The following TFCP2L1 variants were observed in gnomAD, a reference collection of about 807,000 sequenced individuals.
TFCP2L1 encodes transcription factor CP2-like protein 1.
A neutral mutation model predicts 72.2 loss-of-function variants in TFCP2L1; 12 were observed. The ratio of observed to expected loss-of-function variants is 0.17; its 90% CI spans 0.11 to 0.27. TFCP2L1 has a LOEUF of 0.27. Ranked by LOEUF, TFCP2L1 falls within the 10% of genes least tolerant of loss-of-function variation. The probability of loss-of-function intolerance (pLI) is 1.00; values close to 1 mark genes in which losing one functional copy is unlikely to be tolerated. For missense variants in TFCP2L1, 488 were observed against 624.6 expected, an observed-to-expected ratio of 0.78 and a Z score of 2.33; for synonymous variants, 260 against 251.0, an observed-to-expected ratio of 1.04 and a Z score of -0.34.
intron 7 of TFCP2L1, 110 bp downstream of exon 7, chr2:121,242,249 C>T: frequency 2.2e-6 from 2 of 897,586 alleles, no homozygotes; most frequent in African/African-American, 1.6e-5. Context: ...AGAATAAGCA[C>T]TCTCAGAAGT....
At chr2:121,280,592 C>G (rs781525506) in intron 2 of TFCP2L1, among the ~76,000 whole-genome samples, 5 of 151,696 alleles carry the variant, frequency 3.3e-5, no homozygotes, top group Non-Finnish European at 7.4e-5. Flanking sequence ...ACCCCCCCAG[C>G]TCTACAAAAA....
At position 121,282,185 on chromosome 2, in the gene TFCP2L1, G is replaced by A. The variant is rs182005668; in HGVS notation, c.63-914C>T. 3.0e-3 allele frequency among the ~76,000 whole-genome samples: 453 copies of A among 151,794 alleles called. 9 individuals are homozygous for A. The East Asian group carries it at 0.042, about 14-fold the overall frequency. ...TGACCTCAGGTGATCCACCCTCCTCGGCCTCCCAAAGTGCTGGGATTACAG... is the reference window on the plus strand; with the variant it reads ...TGACCTCAGGTGATCCACCCTCCTCAGCCTCCCAAAGTGCTGGGATTACAG... On this transcript the variant is annotated intron_variant, in intron 1 of 14. Transcript: ENST00000263707.
intron 13 of TFCP2L1, among the ~76,000 whole-genome samples, chr2:121,227,419 C>T (rs577593432): frequency 3.2e-4 from 49 of 151,918 alleles, no homozygotes; most frequent in Non-Finnish European, 5.3e-4. Context: ...CGGTGGCTCA[C>T]GCCTGTAATC....
Position 121,239,538 on chromosome 2 carries a change from G to A in TFCP2L1, c.860+20C>T. The A allele has an allele frequency of 6.2e-7, 1 of 1,613,582 alleles. No homozygotes were observed. Among genetic ancestry groups the A allele is most frequent in the Non-Finnish European group, 8.5e-7 (1 of 1,179,492 alleles). The stretch of plus-strand genomic sequence containing the variant: ...CTGCCTTCATTTCAGGGAACCCGAA[G>A]AAAGAGAGGTGGGACGTACCCTTCG... On this transcript the variant is annotated intron_variant, in intron 8 of 14. Transcript: ENST00000263707.
In TFCP2L1 at chr2:121,282,832, G is replaced by A. The variant is rs539932369; in HGVS notation, c.63-1561C>T. 9.9e-5 allele frequency among the ~76,000 whole-genome samples: 15 copies of A among 152,140 alleles called. No individual in the cohort carries two copies. In the East Asian group the frequency reaches 1.4e-3, roughly 14 times the overall value. On this transcript the variant is annotated intron_variant, in intron 1 of 14. Transcript: ENST00000263707. Reference sequence around the variant, plus strand: ...ACAAGCGTCTCTACAACACAAACCCGGCACACACCCCATCAACATCTCATC... The same window carrying A: ...ACAAGCGTCTCTACAACACAAACCCAGCACACACCCCATCAACATCTCATC...
Position 121,237,982 on chromosome 2 carries a change from G to T in TFCP2L1, c.861-132C>A. ...TGTTCTAAGTGAAATGAGTCCTCAA[G>T]AATTTCCTGAGTCACAGAAACACAG... is the stretch of plus-strand genomic sequence containing the variant. On this transcript the variant is annotated intron_variant, in intron 8 of 14. Transcript: ENST00000263707. 3.2e-6 allele frequency: 3 copies of T among 932,714 alleles called. No homozygotes were observed. The South Asian group carries it at 4.8e-5, about 15-fold the overall frequency. The allele number at this position is 932,714 out of a possible 1,614,324, so 57.8% of individuals were successfully genotyped here.
At chr2:121,283,162 A>G (rs1043996514) in intron 1 of TFCP2L1, among the ~76,000 whole-genome samples, 2 of 152,226 alleles carry the variant, frequency 1.3e-5, no homozygotes, top group Non-Finnish European at 2.9e-5. Context: ...CCATCCCTCA[A>G]CAGTAACTTG....
In TFCP2L1 at chr2:121,250,822, G is replaced by A. The variant is rs577424872; in HGVS notation, c.215-1175C>T. Among the ~76,000 whole-genome samples the A allele has an allele frequency of 1.7e-3, 257 of 151,864 alleles. 1 individual carries two copies. Among genetic ancestry groups the A allele is most frequent in the Non-Finnish European group, 2.5e-3 (170 of 67,912 alleles). ...GGGTTTCACCATGTTAGCCAGGCTG[G>A]TCTCAAACTCCTGACCTCGTGATTC... On this transcript the variant is annotated intron_variant, in intron 2 of 14. Coordinates refer to ENST00000263707, the MANE Select transcript of TFCP2L1 (RefSeq NM_014553.3).
intron 2 of TFCP2L1, among the ~76,000 whole-genome samples, chr2:121,280,365 G>A (rs538001835): frequency 6.6e-6 from 1 of 152,278 alleles, no homozygotes; most frequent in South Asian, 2.1e-4. Context: ...GCAGGACACA[G>A]GCCAGCCATC....
chr2:121,246,703 G>A (rs1453684395), intron 6 of TFCP2L1, 115 bp downstream of exon 6: 4 of 1,359,760 alleles, frequency 2.9e-6, no homozygotes, highest in South Asian at 2.6e-5. Flanking sequence ...TGTGCTAAAG[G>A]GATGCTGCGT....
At chr2:121,265,762 G>A (rs1471917334) in intron 2 of TFCP2L1, among the ~76,000 whole-genome samples, 2 of 152,074 alleles carry the variant, frequency 1.3e-5, no homozygotes, top group Non-Finnish European at 2.9e-5. Context: ...AGGATTACAG[G>A]CGTGAGCCAC....
intron 2 of TFCP2L1, among the ~76,000 whole-genome samples, chr2:121,256,506 A>G (rs563038815): frequency 6.6e-6 from 1 of 152,278 alleles, no homozygotes; most frequent in South Asian, 2.1e-4. Context: ...GGCCGGGCAC[A>G]GTGGTTCACA....
chr2:121,246,341 T>C (rs768579330), intron 6 of TFCP2L1, among the ~76,000 whole-genome samples: 4 of 152,196 alleles, frequency 2.6e-5, no homozygotes, highest in African/African-American at 7.2e-5. Context: ...AATGTTTCTC[T>C]AACAGGAAGC....
At chr2:121,253,733 G>T (rs763705876) in intron 2 of TFCP2L1, among the ~76,000 whole-genome samples, 1 of 152,178 alleles carries the variant, frequency 6.6e-6, no homozygotes. Flanking sequence ...TGAGTGAGGC[G>T]TTAGGCCCAG....
intron 2 of TFCP2L1, among the ~76,000 whole-genome samples, chr2:121,280,523 G>A (rs566262605): frequency 8.5e-5 from 13 of 152,206 alleles, no homozygotes; most frequent in African/African-American, 3.1e-4. Context: ...TTTGGGAGGC[G>A]CAGGCAGGTG....
chr2:121,271,809 T>C (rs751327662), intron 2 of TFCP2L1, among the ~76,000 whole-genome samples: 9 of 152,152 alleles, frequency 5.9e-5, no homozygotes, highest in Non-Finnish European at 1.3e-4. Flanking sequence ...TGCAAATCTG[T>C]TTGGTTCTAG....
chr2:121,273,903 G>A (rs540090580), intron 2 of TFCP2L1, among the ~76,000 whole-genome samples: 1 of 152,210 alleles, frequency 6.6e-6, no homozygotes, highest in South Asian at 2.1e-4. Flanking sequence ...GACCAGCCTG[G>A]CCAACATGGC....
intron 2 of TFCP2L1, among the ~76,000 whole-genome samples, chr2:121,269,804 G>T (rs774179907): frequency 2.0e-5 from 3 of 151,222 alleles, no homozygotes; most frequent in Admixed American, 6.6e-5. Context: ...AGCTACTCAG[G>T]AGGTTGAAAC....
chr2:121,242,331 G>C, intron 7 of TFCP2L1, 28 bp downstream of exon 7: 1 of 1,596,998 alleles, frequency 6.3e-7, no homozygotes, highest in Non-Finnish European at 8.6e-7. Flanking sequence ...ACCCTTGGAG[G>C]CTCTGTCCCC....
Sources: gnomAD v4.1 joint callset for allele counts (sites outside exome capture counted in the v4.1 genomes callset) on GRCh38, gnomAD v4.1.1 for gene constraint, MANE v1.5 for transcripts, NCBI Gene and HGNC (gene_info 2026-07-23, HGNC 2026-07-21) for gene names.